The following CR1 variants were observed in gnomAD, a reference collection of about 807,000 sequenced individuals.
CR1 encodes complement receptor type 1.
A neutral mutation model predicts 187.3 loss-of-function variants in CR1; 116 were observed. That is an observed-to-expected ratio of 0.62 (90% CI 0.53 to 0.72). The LOEUF is 0.72. CR1 is among the 30% of genes least tolerant of loss of function. The pLI, the probability that CR1 is intolerant of heterozygous loss-of-function variation, is 0.00. For synonymous variants in CR1, 576 were observed against 747.1 expected (o/e 0.77, Z 3.73); for missense variants, 1,731 against 2,110.7 (o/e 0.82, Z 3.52).
chr1:207,521,340 A>C (rs560770984), intron 4 of CR1, among the ~76,000 whole-genome samples: 2 of 152,220 alleles, frequency 1.3e-5, no homozygotes, highest in South Asian at 4.1e-4. Flanking sequence ...ATTCTCAGTT[A>C]TTAATTCTTC....
At chr1:207,624,679 G>A (rs923879023) in intron 45 of CR1, among the ~76,000 whole-genome samples, 3 of 151,948 alleles carry the variant, frequency 2.0e-5, no homozygotes, top group African/African-American at 7.2e-5. Flanking sequence ...TATATTTTAC[G>A]GCTTGACATA....
intron 28 of CR1, among the ~76,000 whole-genome samples, chr1:207,576,882 C>T (rs1660763220): frequency 6.6e-6 from 1 of 152,070 alleles, no homozygotes; most frequent in Non-Finnish European, 1.5e-5. Context: ...AGGCAAATGC[C>T]TTCTATATAG....
chr1:207,580,667 G>T, intron 31 of CR1, 54 bp downstream of exon 31: 1 of 1,482,220 alleles, frequency 6.7e-7, no homozygotes, highest in Non-Finnish European at 9.3e-7. Context: ...AGTGACTCTT[G>T]AGCTTAAGGA....
At chr1:207,616,295 T>TA (rs1045839895) in intron 40 of CR1, among the ~76,000 whole-genome samples, 8 of 152,018 alleles carry the variant, frequency 5.3e-5, no homozygotes, top group Admixed American at 1.3e-4. Context: ...TGGGTGTTTT[T>TA]AAAAAAAATA....
At chr1:207,595,293 A>G (rs957333894) in intron 35 of CR1, among the ~76,000 whole-genome samples, 1 of 152,110 alleles carries the variant, frequency 6.6e-6, no homozygotes, top group Non-Finnish European at 1.5e-5. Context: ...CAGAAAAAAT[A>G]AAAGAAAGCA....
intron 35 of CR1, among the ~76,000 whole-genome samples, chr1:207,596,783 GTATATATATAA>G (rs929014198): frequency 3.4e-5 from 5 of 147,304 alleles, no homozygotes; most frequent in Admixed American, 1.4e-4. Context: ...GGTTTCATAA[GTATATATATAA>G]TATATATATA....
chr1:207,566,047 T>C, intron 24 of CR1, 124 bp downstream of exon 24: 3 of 1,305,412 alleles, frequency 2.3e-6, no homozygotes, highest in South Asian at 1.4e-5. Context: ...AAAAATAGTT[T>C]ATTTTAATAA....
At chr1:207,612,676 G>A (rs1661969113) in intron 39 of CR1, among the ~76,000 whole-genome samples, 1 of 152,358 alleles carries the variant, frequency 6.6e-6, no homozygotes, top group African/African-American at 2.4e-5. Flanking sequence ...CTGGTGCTCT[G>A]ACTGGGACCC....
intron 39 of CR1, among the ~76,000 whole-genome samples, chr1:207,612,786 T>C (rs972044403): frequency 1.3e-5 from 2 of 152,224 alleles, no homozygotes; most frequent in Admixed American, 1.3e-4. Flanking sequence ...TGCACAGGAA[T>C]GGGCTCTGAG....
chr1:207,525,634 C>A lies in CR1; in HGVS notation c.887-1119C>A, dbSNP rs1463946796. On this transcript the variant is annotated intron_variant, in intron 5 of 46. Coordinates refer to ENST00000367049, the MANE Select transcript of CR1 (RefSeq NM_000651.6). The stretch of plus-strand genomic sequence containing the variant: ...ATTTGGTATATATGCCTCCAATTGG[C>A]AGAACCTAACCAGAGCCCAGCTATC... Among the ~76,000 whole-genome samples, 4 of 152,010 alleles carry A rather than the reference C, an allele frequency of 2.6e-5. No individual in the cohort carries two copies. The East Asian group carries it at 7.7e-4, about 29-fold the overall frequency.
chr1:207,593,091 A>AAAAAAAAC (rs908027314), intron 35 of CR1, among the ~76,000 whole-genome samples: 21 of 151,062 alleles, frequency 1.4e-4, no homozygotes, highest in African/African-American at 4.4e-4. Flanking sequence ...TTACAAAAAA[A>AAAAAAAAC]AAAAAAAAAA....
In CR1 at chr1:207,496,344, C is replaced by A; in HGVS notation, c.77C>A (p.Ser26Tyr). The stretch of plus-strand genomic sequence containing the variant: ...GGTCTCCCCTTCTGCTGCGGAGGAT[C>A]CCTGCTGGCGGTTGTGGTGCTGCTT... ...APGLPFCCGG[S>Y]LLAVVVLLAL... Residue 26 changes from serine to tyrosine, a missense_variant, in exon 1 of 47, where the codon TCC becomes TAC. This residue lies in a region of CR1 where 237 missense variants were observed against 240.4 expected (regional missense o/e 0.99). Transcript: ENST00000367049. The A allele has an allele frequency of 6.2e-7, 1 of 1,612,918 alleles. No homozygotes were observed. Among genetic ancestry groups the A allele is most frequent in the Non-Finnish European group, 8.5e-7 (1 of 1,179,664 alleles).
chr1:207,567,408 C>A (rs1306780890), intron 24 of CR1, among the ~76,000 whole-genome samples: 1 of 150,134 alleles, frequency 6.7e-6, no homozygotes, highest in Non-Finnish European at 1.5e-5. Flanking sequence ...CACATATATA[C>A]ATTTGAGAAA....
chr1:207,613,059 G>A (rs923070441), intron 39 of CR1, among the ~76,000 whole-genome samples: 1 of 152,198 alleles, frequency 6.6e-6, no homozygotes, highest in Non-Finnish European at 1.5e-5. Context: ...CACAGCAGAG[G>A]GCGGAGGGCC....
rs1421759788 is a variant in CR1 at position 207,584,892 on chromosome 1, C to T, written c.5530+16C>T. ...GTTCGTGCTGGTCAGTATCCACTTCCACATATCCTAAATGGGTTCAGAATA... is the reference window on the plus strand; with the variant it reads ...GTTCGTGCTGGTCAGTATCCACTTCTACATATCCTAAATGGGTTCAGAATA... On this transcript the variant is annotated intron_variant, in intron 33 of 46. Coordinates refer to ENST00000367049, the MANE Select transcript of CR1 (RefSeq NM_000651.6). 17 of 1,613,566 alleles carry T rather than the reference C, an allele frequency of 1.1e-5. No individual in the cohort carries two copies. The South Asian group carries it at 1.9e-4, about 18-fold the overall frequency.
In CR1 at chr1:207,504,244, T is replaced by C. The variant is rs537759152; in HGVS notation, c.122-1660T>C. On this transcript the variant is annotated intron_variant, in intron 1 of 46. Transcript: ENST00000367049. ...ACTGTATATTCAAAATAAGCATTTATATACTGGGGAGTAAATCTCCCATGT... is the reference window on the plus strand; with the variant it reads ...ACTGTATATTCAAAATAAGCATTTACATACTGGGGAGTAAATCTCCCATGT... Among the ~76,000 whole-genome samples, 3 of 152,334 alleles carry C rather than the reference T, an allele frequency of 2.0e-5. No homozygotes were observed. The South Asian group carries it at 6.2e-4, about 32-fold the overall frequency.
At chr1:207,504,020 T>A (rs1382950396) in intron 1 of CR1, among the ~76,000 whole-genome samples, 2 of 152,250 alleles carry the variant, frequency 1.3e-5, no homozygotes, top group Non-Finnish European at 2.9e-5. Flanking sequence ...CTAGTTTTGC[T>A]GTCACACTTC....
intron 35 of CR1, among the ~76,000 whole-genome samples, chr1:207,598,607 A>G (rs1482380838): frequency 1.3e-5 from 2 of 152,088 alleles, no homozygotes; most frequent in Non-Finnish European, 1.5e-5. Flanking sequence ...TATAGTAGAG[A>G]CAGGGTTTCA....
chr1:207,602,716 G>A (rs986583706), intron 35 of CR1, among the ~76,000 whole-genome samples: 1 of 152,076 alleles, frequency 6.6e-6, no homozygotes, highest in Non-Finnish European at 1.5e-5. Flanking sequence ...TAGAGAGAGA[G>A]AGAAGGCAAA....
Sources: allele counts gnomAD v4.1 joint callset (sites outside exome capture counted in the v4.1 genomes callset), GRCh38; gene constraint gnomAD v4.1.1; regional missense constraint gnomAD v4.1.1; transcripts MANE v1.5; gene names NCBI Gene and HGNC (gene_info 2026-07-23, HGNC 2026-07-21).